VCPIP1: variants seen among roughly 807,000 people sequenced by gnomAD.
The protein encoded by VCPIP1 is valosin containing protein interacting protein 1.
A neutral mutation model predicts 85.0 loss-of-function variants in VCPIP1; 8 were observed. The ratio of observed to expected loss-of-function variants is 0.09; its 90% CI spans 0.06 to 0.17. The LOEUF is 0.17. VCPIP1 is among the 10% of genes least tolerant of loss of function. VCPIP1 has a pLI of 1.00. For missense variants in VCPIP1, 1,070 were observed against 1,486.3 expected (o/e 0.72, Z 4.61); for synonymous variants, 543 against 544.5 (o/e 1.00, Z 0.04).
At chr8:66,643,694 C>T (rs1256067287) in intron 2 of VCPIP1, among the ~76,000 whole-genome samples, 4 of 151,568 alleles carry the variant, frequency 2.6e-5, no homozygotes, top group Admixed American at 6.6e-5. Context: ...GAGATTGAGA[C>T]TCTGTCTCAA....
rs1810849110 is a variant in VCPIP1, at chr8:66,632,970, TG to T, written c.*1530del. 2 of 152,084 alleles carry T rather than the reference TG, an allele frequency of 1.3e-5. No individual in the cohort carries two copies. The allele number at this position is 152,084 out of a possible 1,614,324, so 9.4% of individuals were successfully genotyped here. Reference sequence around the variant, plus strand: ...ATTTTGCTCAGATACACCTGTAAAATGTCTAGATTCTCCATTCTTTCCTTAT... The same window carrying T: ...ATTTTGCTCAGATACACCTGTAAAATTCTAGATTCTCCATTCTTTCCTTAT... On this transcript the variant is annotated 3_prime_UTR_variant, in exon 3 of 3. Transcript: ENST00000310421.
chr8:66,656,830 G>C (rs1159501172), intron 1 of VCPIP1, among the ~76,000 whole-genome samples: 1 of 150,094 alleles, frequency 6.7e-6, no homozygotes, highest in East Asian at 2.0e-4. Flanking sequence ...GGCTGGTCTT[G>C]AACTCCTGAC....
At chr8:66,652,574 T>C (rs1000310387) in intron 1 of VCPIP1, among the ~76,000 whole-genome samples, 3 of 152,002 alleles carry the variant, frequency 2.0e-5, no homozygotes, top group East Asian at 1.9e-4. Context: ...GATCGTGCCA[T>C]TGCACTCTAG....
chr8:66,657,511 A>C (rs1811112452), intron 1 of VCPIP1, among the ~76,000 whole-genome samples: 1 of 152,210 alleles, frequency 6.6e-6, no homozygotes. Flanking sequence ...AATGGTTTAT[A>C]AAAAAGGCAT....
chr8:66,653,091 TTA>T (rs1811068819), intron 1 of VCPIP1, among the ~76,000 whole-genome samples: 1 of 152,194 alleles, frequency 6.6e-6, no homozygotes, highest in Admixed American at 6.5e-5. Flanking sequence ...CTATACCAGC[TTA>T]AAGTAGACAA....
rs1464091668 is a variant in VCPIP1, at chr8:66,664,957, T to C, written c.2002A>G (p.Ile668Val). The change falls in exon 1 of 3, where the codon ATA (isoleucine) becomes GTA (valine). Residue 668 changes from isoleucine to valine, a missense_variant. Ile to Val is a conservative substitution (Grantham distance 29). Transcript: ENST00000310421. The stretch of plus-strand genomic sequence containing the variant: ...ACTCTTTGGGCGTGAGCACCATCTA[T>C]ATTTACAGGAGTATAATCATCGGGA... ...KNPDDYTPVN[I>V]DGAHAQRVGD... 2 of 1,614,104 alleles carry C rather than the reference T, an allele frequency of 1.2e-6. No homozygotes were observed. The highest frequency in any genetic ancestry group is 1.7e-6 in the Non-Finnish European group (2 of 1,180,008).
In VCPIP1 at chr8:66,632,652, A is replaced by G. The variant is rs1012954030; in HGVS notation, c.*1849T>C. 2 of 152,104 alleles carry G rather than the reference A, an allele frequency of 1.3e-5. No individual in the cohort carries two copies. The highest frequency in any genetic ancestry group is 2.9e-5 in the Non-Finnish European group (2 of 67,930). 9.4% of individuals were successfully genotyped at this position (152,104 alleles called of 1,614,324 possible). A position where few individuals can be genotyped will look rare whatever the true frequency, so the allele number is the denominator to read the frequency against. The stretch of plus-strand genomic sequence containing the variant: ...CATGAAAGCAGTGCATTTTTTGCTT[A>G]AACAGTTTTCCTGTATTTAAATCCC... On this transcript the variant is annotated 3_prime_UTR_variant, in exon 3 of 3. Transcript: ENST00000310421.
intron 2 of VCPIP1, among the ~76,000 whole-genome samples, chr8:66,645,442 A>G (rs34515351): frequency 0.12 from 17,697 of 152,116 alleles, 1,419 homozygotes; most frequent in Middle Eastern, 0.2. Flanking sequence ...AAAGAAAAAG[A>G]AAGCCAATTT....
At chr8:66,655,569 G>A (rs1289796448) in intron 1 of VCPIP1, among the ~76,000 whole-genome samples, 7 of 152,008 alleles carry the variant, frequency 4.6e-5, no homozygotes, top group Admixed American at 2.0e-4. Flanking sequence ...AAACTTAATC[G>A]AAGCAGCATG....
chr8:66,664,338 A>C lies in VCPIP1; in HGVS notation c.2621T>G (p.Ile874Ser). The C allele has an allele frequency of 6.2e-7, 1 of 1,612,880 alleles. No individual in the cohort carries two copies. The highest frequency in any genetic ancestry group is 8.5e-7 in the Non-Finnish European group (1 of 1,178,944). Reference sequence around the variant, plus strand: ...AGATGACAGTTTACCAGTAACAGCAATATCTTCTTGTTTCACAGTGTGGGC... The same window carrying C: ...AGATGACAGTTTACCAGTAACAGCACTATCTTCTTGTTTCACAGTGTGGGC... The part of the protein sequence containing the change: ...HSAHTVKQED[I>S]AVTGKLSSKE... Residue 874 changes from isoleucine (I) to serine (S), a missense_variant, in exon 1 of 3, where the codon ATT becomes AGT. Ile to Ser is a moderately radical substitution (Grantham distance 142). Around this residue, in one of 8 missense-constraint regions of VCPIP1, gnomAD observed 278 missense variants for 298.5 expected, o/e 0.93. Transcript: ENST00000310421.
Position 66,667,172 on chromosome 8 carries a change from C to G in VCPIP1, c.-214G>C. The G allele has an allele frequency of 2.0e-6, 2 of 1,019,260 alleles. No homozygotes were observed. Among genetic ancestry groups the G allele is most frequent in the Non-Finnish European group, 1.3e-6 (1 of 742,476 alleles). 63.1% of individuals were successfully genotyped at this position (1,019,260 alleles called of 1,614,324 possible). On this transcript the variant is annotated 5_prime_UTR_variant, in exon 1 of 3. Coordinates refer to ENST00000310421, the MANE Select transcript of VCPIP1 (RefSeq NM_025054.5). ...GCCGTAGCCGTTGCCCCGAACGTAACGGCCACCACCCCACCCCGCACTCAC... is the reference window on the plus strand; with the variant it reads ...GCCGTAGCCGTTGCCCCGAACGTAAGGGCCACCACCCCACCCCGCACTCAC...
chr8:66,637,415 C>T (rs1015098226), intron 2 of VCPIP1, among the ~76,000 whole-genome samples: 13 of 150,884 alleles, frequency 8.6e-5, no homozygotes, highest in Non-Finnish European at 1.3e-4. Flanking sequence ...ATGGATATGC[C>T]GGGCACAGTG....
rs2130140149 is a variant in VCPIP1 at position 66,633,261 on chromosome 8, T to C, written c.*1240A>G. 1 of 152,690 alleles carries C rather than the reference T, an allele frequency of 6.5e-6. No individual in the cohort carries two copies. Among genetic ancestry groups the C allele is most frequent in the Middle Eastern group, 3.4e-3 (1 of 294 alleles). The allele number at this position is 152,690 out of a possible 1,614,324, so 9.5% of individuals were successfully genotyped here. A position where few individuals can be genotyped will look rare whatever the true frequency, so the allele number is the denominator to read the frequency against. On this transcript the variant is annotated 3_prime_UTR_variant, in exon 3 of 3. Transcript: ENST00000310421. ...CTCTAGGTAAGAGATTGTATTAACA[T>C]ATATTTTGTCTTTCAGCCATTCAAA... is the stretch of plus-strand genomic sequence containing the variant.
Position 66,666,555 on chromosome 8 carries a change from G to C in VCPIP1, c.404C>G (p.Ala135Gly), listed in dbSNP as rs1811213299. ...YHCKLLSPIL[A>G]RYGMDKQTGR... Reference sequence around the variant, plus strand: ...TGTCTGTTTGTCCATTCCATAGCGAGCTAATATGGGCGACAACAATTTGCA... The same window carrying C: ...TGTCTGTTTGTCCATTCCATAGCGACCTAATATGGGCGACAACAATTTGCA... Residue 135 changes from alanine (A) to glycine (G), a missense_variant, in exon 1 of 3, where the codon GCT (alanine) becomes GGT (glycine). Coordinates refer to ENST00000310421, the MANE Select transcript of VCPIP1 (RefSeq NM_025054.5). The surrounding 1 kb of genome is among the most constrained non-coding windows in gnomAD (Gnocchi z 6.3). 2 of 1,614,056 alleles carry C rather than the reference G, an allele frequency of 1.2e-6. No homozygotes were observed. Among genetic ancestry groups the C allele is most frequent in the African/African-American group, 1.3e-5 (1 of 74,930 alleles).
At chr8:66,660,527 A>G (rs1019706701) in intron 1 of VCPIP1, among the ~76,000 whole-genome samples, 15 of 152,238 alleles carry the variant, frequency 9.9e-5, no homozygotes, top group African/African-American at 3.1e-4. Context: ...TGAACAGCAT[A>G]AAGTCTGATG....
chr8:66,650,382 TAC>T (rs1356045894), intron 2 of VCPIP1, among the ~76,000 whole-genome samples: 1 of 152,160 alleles, frequency 6.6e-6, no homozygotes, highest in Non-Finnish European at 1.5e-5. Context: ...AATTAATGCC[TAC>T]AGTGGCCAGG....
At position 66,664,303 on chromosome 8, in the gene VCPIP1, G is replaced by T. The variant is rs746046005; in HGVS notation, c.2656C>A (p.Gln886Lys). Residue 886 changes from glutamine (Q) to lysine (K), a missense_variant, in exon 1 of 3, where the codon CAG becomes AAG. Physicochemically the swap from Gln to Lys is moderately conservative, Grantham distance 53. Around this residue, in one of 8 missense-constraint regions of VCPIP1, gnomAD observed 278 missense variants for 298.5 expected, o/e 0.93. Transcript: ENST00000310421. ...VTGKLSSKEL[Q>K]EQAEKEMYSL... Reference sequence around the variant, plus strand: ...TACATTTCTTTTTCAGCTTGCTCCTGAAGTTCCTTAGATGACAGTTTACCA... The same window carrying T: ...TACATTTCTTTTTCAGCTTGCTCCTTAAGTTCCTTAGATGACAGTTTACCA... 6.2e-6 allele frequency: 10 copies of T among 1,604,290 alleles called. No homozygotes were observed. The South Asian group carries it at 1.1e-4, about 18-fold the overall frequency.
At chr8:66,646,072 ATT>A (rs111341096) in intron 2 of VCPIP1, among the ~76,000 whole-genome samples, 21 of 139,968 alleles carry the variant, frequency 1.5e-4, no homozygotes, top group Admixed American at 2.2e-4. Context: ...GTCAAAATGC[ATT>A]TTTTTTTTTT....
rs1179090876 is a variant in VCPIP1, at chr8:66,635,148, T to C, written c.3022A>G (p.Ser1008Gly). The change falls in exon 3 of 3, where the codon AGT (serine) becomes GGT (glycine). Residue 1008 changes from serine to glycine, a missense_variant. Physicochemically the swap from Ser to Gly is moderately conservative, Grantham distance 56. Transcript: ENST00000310421. Reference protein sequence around the residue: ...SPSHGLLKLGSGGVVKKKSEQ... With the variant: ...SPSHGLLKLGGGGVVKKKSEQ... ...GATTTCTTTTTCACTACTCCACCAC[T>C]ACCTAGTTTTAATAGCCCATGTGAG... 1.9e-6 allele frequency: 3 copies of C among 1,614,082 alleles called. No homozygotes were observed. The highest frequency in any genetic ancestry group is 1.3e-5 in the African/African-American group (1 of 74,924).
Sources: allele counts gnomAD v4.1 joint callset (sites outside exome capture counted in the v4.1 genomes callset), GRCh38; gene constraint gnomAD v4.1.1; regional missense constraint gnomAD v4.1.1; non-coding constraint Gnocchi (gnomAD v3.1); transcripts MANE v1.5; gene names NCBI Gene and HGNC (gene_info 2026-07-23, HGNC 2026-07-21).